VOPP1: variants seen among roughly 807,000 people sequenced by gnomAD.
VOPP1 encodes the protein VOPP1 WW domain binding protein, also known as WW domain binding protein VOPP1.
VOPP1 carries 8 observed loss-of-function variants against 23.5 expected under a neutral mutation model. That is an observed-to-expected ratio of 0.34 (90% CI 0.20 to 0.61). The LOEUF (loss-of-function observed/expected upper bound fraction) is 0.61, where lower values mean the gene tolerates loss of function less well. Ranked by LOEUF, VOPP1 falls within the 20% of genes least tolerant of loss-of-function variation. The pLI, the probability that VOPP1 is intolerant of heterozygous loss-of-function variation, is 0.78. For synonymous variants in VOPP1, 83 were observed against 97.3 expected (o/e 0.85, Z 0.86); for missense variants, 174 against 238.1 (o/e 0.73, Z 1.77).
chr7:55,543,075 C>T (rs1228964968), intron 1 of VOPP1, among the ~76,000 whole-genome samples: 1 of 151,920 alleles, frequency 6.6e-6, no homozygotes, highest in East Asian at 1.9e-4. Context: ...GCCACCACGC[C>T]CGGCTAATTT....
chr7:55,566,748 AATT>A (rs1798175945), intron 1 of VOPP1, among the ~76,000 whole-genome samples: 1 of 152,196 alleles, frequency 6.6e-6, no homozygotes, highest in African/African-American at 2.4e-5. Flanking sequence ...TTCTAGGACC[AATT>A]ATTTTCAGAT....
At chr7:55,451,750 C>A (rs1469554047) in intron 4 of VOPP1, among the ~76,000 whole-genome samples, 1 of 152,216 alleles carries the variant, frequency 6.6e-6, no homozygotes, top group Non-Finnish European at 1.5e-5. Flanking sequence ...AAGATCGTGC[C>A]GCTGCACTCC....
chr7:55,458,675 C>A (rs1166054310), intron 4 of VOPP1, among the ~76,000 whole-genome samples: 6 of 151,984 alleles, frequency 3.9e-5, no homozygotes, highest in African/African-American at 1.4e-4. Flanking sequence ...GGATTGTCTT[C>A]CTGATTTCTT....
chr7:55,453,068 G>C (rs558813135), intron 4 of VOPP1, among the ~76,000 whole-genome samples: 1 of 152,172 alleles, frequency 6.6e-6, no homozygotes, highest in African/African-American at 2.4e-5. Context: ...GTCGAGTGTA[G>C]CCACCCTCCT....
At chr7:55,520,042 TG>T (rs1284458625) in intron 2 of VOPP1, among the ~76,000 whole-genome samples, 1 of 152,040 alleles carries the variant, frequency 6.6e-6, no homozygotes, top group African/African-American at 2.4e-5. Flanking sequence ...GCACAAGAAT[TG>T]CTTGAACTCA....
intron 4 of VOPP1, among the ~76,000 whole-genome samples, chr7:55,482,376 C>G (rs1403756952): frequency 1.4e-5 from 2 of 141,704 alleles, no homozygotes; most frequent in Non-Finnish European, 3.0e-5. Context: ...GAGACGGAGT[C>G]TCACTCTTTC....
At chr7:55,561,566 G>C (rs1797986574) in intron 1 of VOPP1, among the ~76,000 whole-genome samples, 1 of 151,892 alleles carries the variant, frequency 6.6e-6, no homozygotes, top group Non-Finnish European at 1.5e-5. Flanking sequence ...AAAATTAAGT[G>C]GGCGTGCTGG....
At chr7:55,504,687 G>T (rs1794594375) in intron 2 of VOPP1, among the ~76,000 whole-genome samples, 1 of 152,222 alleles carries the variant, frequency 6.6e-6, no homozygotes, top group African/African-American at 2.4e-5. Flanking sequence ...GCCCCACTAG[G>T]CTGATTCATG....
chr7:55,448,938 A>G (rs1470762641), intron 4 of VOPP1, among the ~76,000 whole-genome samples: 1 of 152,208 alleles, frequency 6.6e-6, no homozygotes, highest in Non-Finnish European at 1.5e-5. Context: ...GTTTAATCGC[A>G]CTGAGATGCG....
At chr7:55,482,482 A>ATTTTTTTTTTTTTT (rs71031859) in intron 4 of VOPP1, among the ~76,000 whole-genome samples, 4 of 132,832 alleles carry the variant, frequency 3.0e-5, no homozygotes, top group African/African-American at 1.2e-4. Flanking sequence ...CACCTGGCTA[A>ATTTTTTTTTTTTTT]TTTTTTTTTT....
chr7:55,546,289 A>G (rs949382031), intron 1 of VOPP1, among the ~76,000 whole-genome samples: 1 of 152,218 alleles, frequency 6.6e-6, no homozygotes, highest in Admixed American at 6.5e-5. Context: ...GAATGAAGAT[A>G]TAATTCCCAG....
intron 4 of VOPP1, among the ~76,000 whole-genome samples, chr7:55,475,185 G>A (rs1287413171): frequency 2.0e-5 from 3 of 152,228 alleles, no homozygotes; most frequent in Non-Finnish European, 4.4e-5. Context: ...GACAGACACA[G>A]GACAGAGAGA....
chr7:55,535,464 C>T (rs527982168), intron 1 of VOPP1, among the ~76,000 whole-genome samples: 1 of 152,200 alleles, frequency 6.6e-6, no homozygotes, highest in African/African-American at 2.4e-5. Flanking sequence ...GTCCTTCTGG[C>T]CTGGCCGCCC....
intron 1 of VOPP1, among the ~76,000 whole-genome samples, chr7:55,540,327 G>A (rs934379871): frequency 6.6e-6 from 1 of 151,872 alleles, no homozygotes; most frequent in Non-Finnish European, 1.5e-5. Context: ...TAACCCTGGA[G>A]ATGGATGTTG....
intron 4 of VOPP1, among the ~76,000 whole-genome samples, chr7:55,458,627 T>G (rs1002856141): frequency 4.6e-4 from 70 of 152,230 alleles, no homozygotes; most frequent in African/African-American, 1.6e-3. Context: ...CCTTTTTGGT[T>G]AGATCCGAGG....
intron 2 of VOPP1, among the ~76,000 whole-genome samples, chr7:55,512,767 A>G (rs1012097893): frequency 1.3e-5 from 2 of 152,218 alleles, no homozygotes; most frequent in African/African-American, 4.8e-5. Flanking sequence ...AGGAGAGCTC[A>G]GCGAAGGAGT....
At chr7:55,519,336 T>C (rs1308009723) in intron 2 of VOPP1, among the ~76,000 whole-genome samples, 1 of 152,092 alleles carries the variant, frequency 6.6e-6, no homozygotes, top group Non-Finnish European at 1.5e-5. Flanking sequence ...TTTCAAAATA[T>C]GCAGGGAACA....
chr7:55,497,067 A>G (rs1794005435), intron 3 of VOPP1, among the ~76,000 whole-genome samples: 1 of 152,182 alleles, frequency 6.6e-6, no homozygotes, highest in African/African-American at 2.4e-5. Context: ...CCCCCATGGA[A>G]TGTGCTCCCA....
intron 1 of VOPP1, among the ~76,000 whole-genome samples, chr7:55,554,165 T>C (rs941603382): frequency 6.6e-6 from 1 of 152,228 alleles, no homozygotes; most frequent in Non-Finnish European, 1.5e-5. Context: ...CCTAAAACTT[T>C]CCAAGTGGCT....
Sources: allele counts gnomAD v4.1 joint callset (sites outside exome capture counted in the v4.1 genomes callset), GRCh38; gene constraint gnomAD v4.1.1; transcripts MANE v1.5; gene names NCBI Gene and HGNC (gene_info 2026-07-23, HGNC 2026-07-21).